The following DLG2 variants were observed in gnomAD, a reference collection of about 807,000 sequenced individuals.
DLG2 encodes discs large MAGUK scaffold protein 2, also known as disks large homolog 2.
In DLG2, 45 loss-of-function variants were observed where a neutral mutation model predicts 132.5. That is an observed-to-expected ratio of 0.34 (90% CI 0.27 to 0.44). The LOEUF (loss-of-function observed/expected upper bound fraction) is 0.44. Among genes scored for constraint, DLG2 ranks in the 20% least tolerant of loss-of-function variants. The pLI, the probability that DLG2 is intolerant of heterozygous loss-of-function variation, is 1.00. For synonymous variants in DLG2, 424 were observed against 419.6 expected (o/e 1.01, Z -0.13); for missense variants, 1,045 against 1,196.9 (o/e 0.87, Z 1.87).
At chr11:85,063,951 A>G (rs148359659) in intron 6 of DLG2, among the ~76,000 whole-genome samples, 218 of 151,986 alleles carry the variant, frequency 1.4e-3, no homozygotes, top group African/African-American at 4.8e-3. Context: ...CTCAGTTGCC[A>G]CTATTCCTTT....
intron 15 of DLG2, among the ~76,000 whole-genome samples, chr11:83,929,736 T>C (rs978567709): frequency 6.6e-6 from 1 of 152,184 alleles, no homozygotes; most frequent in African/African-American, 2.4e-5. Context: ...AGAATATATA[T>C]ATATGTACAT....
intron 19 of DLG2, among the ~76,000 whole-genome samples, chr11:83,585,770 A>G (rs2097074263): frequency 6.6e-6 from 1 of 152,236 alleles, no homozygotes; most frequent in South Asian, 2.1e-4. Flanking sequence ...AAAAATTCTG[A>G]AGCTTTGAGT....
chr11:83,949,533 T>C (rs1037546006), intron 14 of DLG2, among the ~76,000 whole-genome samples: 6 of 152,146 alleles, frequency 3.9e-5, no homozygotes, highest in African/African-American at 1.4e-4. Context: ...AACTAAGTTA[T>C]TATCTCTTAA....
At chr11:84,534,395 T>C (rs1391897403) in intron 7 of DLG2, among the ~76,000 whole-genome samples, 175 bp downstream of exon 7, 1 of 152,146 alleles carries the variant, frequency 6.6e-6, no homozygotes, top group African/African-American at 2.4e-5. Context: ...GCAATAAAAA[T>C]ATGTCCCAAA....
At chr11:85,054,155 C>A (rs2063206832) in intron 6 of DLG2, among the ~76,000 whole-genome samples, 1 of 151,414 alleles carries the variant, frequency 6.6e-6, no homozygotes, top group Non-Finnish European at 1.5e-5. Flanking sequence ...ACCCCAGATA[C>A]TGGGGAGGCT....
chr11:84,518,966 CAG>C (rs1419141243), intron 7 of DLG2, among the ~76,000 whole-genome samples: 7 of 152,204 alleles, frequency 4.6e-5, no homozygotes, highest in African/African-American at 1.7e-4. Flanking sequence ...ATTAGTAAAA[CAG>C]AGACCATAAA....
chr11:83,996,193 A>C (rs1293348704), intron 11 of DLG2, among the ~76,000 whole-genome samples: 1 of 152,220 alleles, frequency 6.6e-6, no homozygotes, highest in Non-Finnish European at 1.5e-5. Flanking sequence ...AAAGGAAGAC[A>C]GACAGACAGC....
intron 4 of DLG2, among the ~76,000 whole-genome samples, chr11:85,260,999 T>A (rs779982192): frequency 6.6e-6 from 1 of 152,190 alleles, no homozygotes; most frequent in Non-Finnish European, 1.5e-5. Flanking sequence ...TCTCTTGAGA[T>A]GTTCCCTTTT....
intron 6 of DLG2, among the ~76,000 whole-genome samples, chr11:84,696,822 G>A (rs1379670167): frequency 2.0e-5 from 3 of 151,462 alleles, no homozygotes; most frequent in Admixed American, 6.6e-5. Context: ...CTTACCAAAT[G>A]TCACATTGGT....
chr11:85,308,127 C>T, intron 3 of DLG2, among the ~76,000 whole-genome samples: 1 of 142,854 alleles, frequency 7.0e-6, no homozygotes, highest in East Asian at 2.0e-4. Flanking sequence ...GCACTCCAGC[C>T]TGGGTGACAG....
chr11:84,329,839 T>C lies in DLG2; in HGVS notation c.520-78548A>G, dbSNP rs189617292. Reference sequence around the variant, plus strand: ...ATGTTTGTGTATAATGTGATAAAGCTTTGTATAACATTTACGCACCTCATT... The same window carrying C: ...ATGTTTGTGTATAATGTGATAAAGCCTTGTATAACATTTACGCACCTCATT... On this transcript the variant is annotated intron_variant, in intron 7 of 27. Transcript: ENST00000376104. 2.2e-3 allele frequency among the ~76,000 whole-genome samples: 332 copies of C among 152,336 alleles called. 2 individuals carry two copies. Among genetic ancestry groups the C allele is most frequent in the Non-Finnish European group, 3.7e-3 (251 of 68,028 alleles).
At chr11:84,599,332 T>C (rs1345110180) in intron 6 of DLG2, among the ~76,000 whole-genome samples, 1 of 152,208 alleles carries the variant, frequency 6.6e-6, no homozygotes, top group Admixed American at 6.5e-5. Flanking sequence ...CTGTGTCATA[T>C]GTCAGCATCC....
intron 7 of DLG2, among the ~76,000 whole-genome samples, chr11:84,260,018 C>T (rs1190364114): frequency 2.4e-5 from 3 of 122,894 alleles, no homozygotes; most frequent in African/African-American, 8.0e-5. Flanking sequence ...TCCCCTTGGA[C>T]TGGAGAGTTA....
At chr11:83,930,277 G>C in intron 15 of DLG2, 51 bp downstream of exon 15, 1 of 1,599,906 alleles carries the variant, frequency 6.3e-7, no homozygotes. Context: ...ATTTATCCTT[G>C]TGGAAGCACA....
intron 3 of DLG2, among the ~76,000 whole-genome samples, chr11:85,474,840 T>C (rs1320708442): frequency 1.3e-5 from 2 of 151,618 alleles, no homozygotes; most frequent in East Asian, 3.9e-4. Context: ...GGTTACCATA[T>C]TGACAGTGAA....
chr11:84,146,421 C>T (rs537577544), intron 9 of DLG2, among the ~76,000 whole-genome samples: 1 of 152,216 alleles, frequency 6.6e-6, no homozygotes, highest in African/African-American at 2.4e-5. Context: ...TGATATTACA[C>T]ACTGCATGCC....
intron 5 of DLG2, among the ~76,000 whole-genome samples, chr11:85,120,922 C>T (rs1026623168): frequency 2.6e-5 from 4 of 151,954 alleles, no homozygotes; most frequent in African/African-American, 9.7e-5. Flanking sequence ...TTTAAGGGAA[C>T]ATTTGAAAGT....
intron 3 of DLG2, among the ~76,000 whole-genome samples, chr11:85,516,408 A>G (rs141392689): frequency 1.5e-4 from 23 of 152,156 alleles, no homozygotes; most frequent in African/African-American, 4.8e-4. Context: ...AGAGGGAACC[A>G]AAACTGCAAC....
At chr11:83,925,606 A>G (rs1400061480) in intron 15 of DLG2, among the ~76,000 whole-genome samples, 1 of 151,994 alleles carries the variant, frequency 6.6e-6, no homozygotes, top group Non-Finnish European at 1.5e-5. Context: ...TCCCATGAAT[A>G]TATATATCCT....
Sources: allele counts gnomAD v4.1 joint callset (sites outside exome capture counted in the v4.1 genomes callset), GRCh38; gene constraint gnomAD v4.1.1; transcripts MANE v1.5; gene names NCBI Gene and HGNC (gene_info 2026-07-23, HGNC 2026-07-21).